ANKS1A: variants seen among roughly 807,000 people sequenced by gnomAD.
ANKS1A encodes the protein ankyrin repeat and SAM domain-containing protein 1A.
ANKS1A carries 55 observed loss-of-function variants against 120.3 expected under a neutral mutation model. The ratio of observed to expected loss-of-function variants is 0.46; its 90% CI spans 0.37 to 0.57. The LOEUF (loss-of-function observed/expected upper bound fraction) is 0.57, where lower values mean the gene tolerates loss of function less well. ANKS1A is among the 20% of genes least tolerant of loss of function. ANKS1A has a pLI of 0.00. For synonymous variants in ANKS1A, 590 were observed against 604.7 expected, an observed-to-expected ratio of 0.98 and a Z score of 0.36; for missense variants, 1,123 against 1,480.3, an observed-to-expected ratio of 0.76 and a Z score of 3.96.
chr6:35,085,898 C>T lies in ANKS1A; in HGVS notation c.3265C>T (p.Pro1089Ser). ...GATGATTGAAACAAAATCTTCCAAA[C>T]CGGTGCCTAAGCCTCGGGTCGGCGT... Reference protein sequence around the residue: ...AEMIETKSSKPVPKPRVGVRK... With the variant: ...AEMIETKSSKSVPKPRVGVRK... The change falls in exon 22 of 24, where the codon CCG (proline) becomes TCG (serine). Residue 1089 changes from proline (P) to serine (S), a missense_variant. By Grantham distance (74) the Pro-to-Ser change is moderately conservative. This residue lies in a region of ANKS1A where 904 missense variants were observed against 1,130.4 expected (regional missense o/e 0.80). Coordinates refer to ENST00000360359, the MANE Select transcript of ANKS1A (RefSeq NM_015245.3). This position sits in a 1 kb window ranked among gnomAD's most constrained non-coding sequence, Gnocchi z 4.7. 1 of 1,613,070 alleles carries T rather than the reference C, an allele frequency of 6.2e-7. No individual in the cohort carries two copies. Among genetic ancestry groups the T allele is most frequent in the Non-Finnish European group, 8.5e-7 (1 of 1,179,712 alleles).
intron 13 of ANKS1A, among the ~76,000 whole-genome samples, chr6:35,073,713 A>G (rs1359161261): frequency 2.0e-5 from 3 of 152,258 alleles, no homozygotes; most frequent in Admixed American, 1.3e-4. Context: ...CCTGCCATGT[A>G]GTAAGTACTC....
chr6:34,960,066 C>T (rs546462312), intron 1 of ANKS1A, among the ~76,000 whole-genome samples: 10 of 152,220 alleles, frequency 6.6e-5, no homozygotes, highest in African/African-American at 2.2e-4. Context: ...TCTCTGTGGG[C>T]GGAGCTCCCT....
Position 34,982,981 on chromosome 6 carries a change from G to A in ANKS1A, c.809-132G>A. On this transcript the variant is annotated intron_variant, in intron 5 of 23. Transcript: ENST00000360359. The surrounding 1 kb of genome is among the most constrained non-coding windows in gnomAD (Gnocchi z 4.9). ...CAAGTGTGTAAACTGTTCTTGAATA[G>A]CTGGATTAAATGGCTCTGGATGAAA... 8.0e-7 allele frequency: 1 copy of A among 1,244,748 alleles called. No individual in the cohort carries two copies. The highest frequency in any genetic ancestry group is 1.2e-6 in the Non-Finnish European group (1 of 855,860). The allele number at this position is 1,244,748 out of a possible 1,614,324, so 77.1% of individuals were successfully genotyped here. A position where few individuals can be genotyped will look rare whatever the true frequency, so the allele number is the denominator to read the frequency against.
At chr6:35,012,573 A>G (rs954268626) in intron 10 of ANKS1A, among the ~76,000 whole-genome samples, 4 of 152,232 alleles carry the variant, frequency 2.6e-5, no homozygotes, top group African/African-American at 9.6e-5. Context: ...GCAACTCCTC[A>G]CATGAGCTGC....
intron 13 of ANKS1A, among the ~76,000 whole-genome samples, chr6:35,065,194 G>T (rs1355760394): frequency 6.6e-6 from 1 of 151,126 alleles, no homozygotes; most frequent in South Asian, 2.1e-4. Context: ...TATTTCCAGC[G>T]AGTGCACCTC....
At chr6:35,030,951 C>T (rs1158302669) in intron 11 of ANKS1A, among the ~76,000 whole-genome samples, 1 of 152,190 alleles carries the variant, frequency 6.6e-6, no homozygotes, top group African/African-American at 2.4e-5. Flanking sequence ...ACATAATGTA[C>T]ATTGCATGGT....
rs76571262 is a variant in ANKS1A at position 35,082,640 on chromosome 6, A to G, written c.2710-51A>G. 15,955 of 1,555,714 alleles carry G rather than the reference A, an allele frequency of 0.01. 161 individuals carry two copies. Among genetic ancestry groups the G allele is most frequent in the African/African-American group, 0.042 (3,061 of 73,178 alleles). On this transcript the variant is annotated intron_variant, in intron 17 of 23. Transcript: ENST00000360359. The surrounding 1 kb of genome is among the most constrained non-coding windows in gnomAD (Gnocchi z 4.1). ...TGTGCTGGAGCCAGGCAGCAAGCCC[A>G]TGTGCTCCTCTGGAGCAAGGAGCAG...
At chr6:34,929,218 A>T (rs1307366477) in intron 1 of ANKS1A, among the ~76,000 whole-genome samples, 2 of 152,322 alleles carry the variant, frequency 1.3e-5, no homozygotes, top group East Asian at 3.9e-4. Flanking sequence ...GCAGGCTTTC[A>T]ATACTTTTTT....
Position 35,017,652 on chromosome 6 carries a change from G to A in ANKS1A, c.1603G>A (p.Gly535Ser), listed in dbSNP as rs761190473. The change falls in exon 11 of 24, where the codon GGC becomes AGC. Residue 535 changes from glycine (G) to serine (S), a missense_variant. This residue lies in a region of ANKS1A where 904 missense variants were observed against 1,130.4 expected (regional missense o/e 0.80). Coordinates refer to ENST00000360359, the MANE Select transcript of ANKS1A (RefSeq NM_015245.3). ...QSHPDGSPQQ[G>S]ACHKASMQLE... is the part of the protein sequence containing the mutation. ...CCATCCAGACGGGTCCCCCCAGCAG[G>A]GCGCCTGCCACAAGGCCAGCATGCA... 2.5e-6 allele frequency: 4 copies of A among 1,613,748 alleles called. No homozygotes were observed. The highest frequency in any genetic ancestry group is 2.5e-6 in the Non-Finnish European group (3 of 1,179,862).
intron 11 of ANKS1A, among the ~76,000 whole-genome samples, chr6:35,025,011 G>C (rs1774543117): frequency 6.6e-6 from 1 of 152,026 alleles, no homozygotes; most frequent in Admixed American, 6.5e-5. Context: ...TCCTACCTCT[G>C]GGGAAAGATT....
chr6:34,956,357 GT>G (rs577813189), intron 1 of ANKS1A, among the ~76,000 whole-genome samples: 2 of 150,308 alleles, frequency 1.3e-5, no homozygotes, highest in Admixed American at 6.6e-5. Flanking sequence ...GTTTTTTTGG[GT>G]TTTTTTTGTG....
rs147273929 is a variant in ANKS1A at position 34,964,073 on chromosome 6, T to G, written c.198-3166T>G. 4.7e-3 allele frequency among the ~76,000 whole-genome samples: 718 copies of G among 152,332 alleles called. 7 individuals carry two copies. The highest frequency in any genetic ancestry group is 0.012 in the African/African-American group (480 of 41,574). ...ATTTCCTCCTATTCCATAAGTGGTC[T>G]TTTTACTGTGCTGGCGGTTTCCTTT... On this transcript the variant is annotated intron_variant, in intron 1 of 23. Transcript: ENST00000360359.
intron 11 of ANKS1A, among the ~76,000 whole-genome samples, chr6:35,034,040 GAAC>G (rs1775036835): frequency 6.6e-6 from 1 of 152,192 alleles, no homozygotes; most frequent in African/African-American, 2.4e-5. Flanking sequence ...GGCATTATGA[GAAC>G]ATAATGTTGC....
intron 16 of ANKS1A, among the ~76,000 whole-genome samples, chr6:35,080,585 G>A (rs1487526927): frequency 6.6e-6 from 1 of 152,198 alleles, no homozygotes; most frequent in Non-Finnish European, 1.5e-5. Flanking sequence ...TGGAGGCCCA[G>A]CCTTGCTCTG....
rs1194632694 is a variant in ANKS1A, at chr6:34,889,275, A to G, written c.-128A>G. 1.7e-6 allele frequency: 2 copies of G among 1,189,994 alleles called. No homozygotes were observed. Among genetic ancestry groups the G allele is most frequent in the Non-Finnish European group, 2.1e-6 (2 of 954,292 alleles). The allele number at this position is 1,189,994 out of a possible 1,614,324, so 73.7% of individuals were successfully genotyped here. On this transcript the variant is annotated 5_prime_UTR_variant, in exon 1 of 24. Coordinates refer to ENST00000360359, the MANE Select transcript of ANKS1A (RefSeq NM_015245.3). This position sits in a 1 kb window ranked among gnomAD's most constrained non-coding sequence, Gnocchi z 5.5. ...CCGGAAGTGACGCGCTCGTGGGGAA[A>G]AGGCAGGGAGGGGGTGGTGTCCCCA... is the stretch of plus-strand genomic sequence containing the variant.
chr6:34,918,760 T>A (rs1459068088), intron 1 of ANKS1A, among the ~76,000 whole-genome samples: 1 of 150,766 alleles, frequency 6.6e-6, no homozygotes, highest in Non-Finnish European at 1.5e-5. Flanking sequence ...ACACATGAAA[T>A]TTTTTTTTTA....
chr6:34,889,633 A>G lies in ANKS1A; in HGVS notation c.197+34A>G. On this transcript the variant is annotated intron_variant, in intron 1 of 23. Transcript: ENST00000360359. The surrounding 1 kb of genome is among the most constrained non-coding windows in gnomAD (Gnocchi z 5.5). ...GCGCCAGGGCCGGGCCGCTGCCTGC[A>G]GACCCTTTCTCCCCCACCCGTCTCT... is the stretch of plus-strand genomic sequence containing the variant. 7.9e-7 allele frequency: 1 copy of G among 1,272,718 alleles called. No homozygotes were observed. Among genetic ancestry groups the G allele is most frequent in the Non-Finnish European group, 9.9e-7 (1 of 1,012,328 alleles). 78.8% of individuals were successfully genotyped at this position (1,272,718 alleles called of 1,614,324 possible).
intron 1 of ANKS1A, among the ~76,000 whole-genome samples, chr6:34,939,556 A>C (rs756278023): frequency 3.3e-5 from 5 of 152,056 alleles, no homozygotes; most frequent in Non-Finnish European, 5.9e-5. Context: ...CGGAAATAAG[A>C]AGTATTTGGG....
chr6:34,966,174 A>C (rs548911296), intron 1 of ANKS1A, among the ~76,000 whole-genome samples: 2 of 152,216 alleles, frequency 1.3e-5, no homozygotes, highest in African/African-American at 4.8e-5. Flanking sequence ...TCAATTATGA[A>C]TATAGATCCT....
Sources: allele counts gnomAD v4.1 joint callset (sites outside exome capture counted in the v4.1 genomes callset), GRCh38; gene constraint gnomAD v4.1.1; regional missense constraint gnomAD v4.1.1; non-coding constraint Gnocchi (gnomAD v3.1); transcripts MANE v1.5; gene names NCBI Gene and HGNC (gene_info 2026-07-23, HGNC 2026-07-21).